Variants in BNC2 observed in about 807,000 individuals in gnomAD.
BNC2 encodes basonuclin zinc finger protein 2.
In BNC2, 20 loss-of-function variants were observed where a neutral mutation model predicts 76.3. That is an observed-to-expected ratio of 0.26 (90% CI 0.18 to 0.38). The LOEUF (loss-of-function observed/expected upper bound fraction) is 0.38. Ranked by LOEUF, BNC2 falls within the 10% of genes least tolerant of loss-of-function variation. The probability of loss-of-function intolerance (pLI) is 1.00; values close to 1 mark genes in which losing one functional copy is unlikely to be tolerated. For missense variants in BNC2, 1,382 were observed against 1,399.8 expected, an observed-to-expected ratio of 0.99 and a Z score of 0.20; for synonymous variants, 582 against 514.8, an observed-to-expected ratio of 1.13 and a Z score of -1.77.
chr9:16,466,082 TG>T (rs1181183371), intron 5 of BNC2, among the ~76,000 whole-genome samples: 3 of 85,788 alleles, frequency 3.5e-5, no homozygotes, highest in African/African-American at 4.8e-5. Flanking sequence ...CATTCACAAT[TG>T]CTTCAAAGAG....
At chr9:16,648,956 A>C (rs1208577252) in intron 3 of BNC2, among the ~76,000 whole-genome samples, 2 of 152,220 alleles carry the variant, frequency 1.3e-5, no homozygotes, top group African/African-American at 4.8e-5. Context: ...GTTAAAACCA[A>C]TGATATCTTT....
intron 3 of BNC2, among the ~76,000 whole-genome samples, chr9:16,583,308 T>G (rs972681096): frequency 6.6e-6 from 1 of 152,172 alleles, no homozygotes; most frequent in Non-Finnish European, 1.5e-5. Context: ...TCATTCACAG[T>G]AACCTTTAAA....
At chr9:16,779,263 T>C (rs1425948709) in intron 1 of BNC2, among the ~76,000 whole-genome samples, 1 of 146,118 alleles carries the variant, frequency 6.8e-6, no homozygotes, top group Non-Finnish European at 1.5e-5. Flanking sequence ...AGTATCACAC[T>C]ACTGCACTCC....
chr9:16,665,411 A>AG (rs1212363590), intron 3 of BNC2, among the ~76,000 whole-genome samples: 205 of 115,386 alleles, frequency 1.8e-3, no homozygotes, highest in African/African-American at 5.3e-3. Flanking sequence ...AGAAAGAGAG[A>AG]AAAGAAAGGA....
At chr9:16,506,250 T>C (rs1028789338) in intron 5 of BNC2, among the ~76,000 whole-genome samples, 5 of 152,194 alleles carry the variant, frequency 3.3e-5, no homozygotes, top group African/African-American at 7.2e-5. Context: ...AAAATACTTA[T>C]GTGAGAGTAG....
chr9:16,750,988 G>A (rs903307871), intron 1 of BNC2, among the ~76,000 whole-genome samples: 8 of 152,170 alleles, frequency 5.3e-5, no homozygotes, highest in African/African-American at 1.9e-4. Context: ...ACAGAGTTGT[G>A]TCTTTTTTCT....
intron 6 of BNC2, among the ~76,000 whole-genome samples, chr9:16,434,429 T>C (rs80325123): frequency 0.092 from 14,077 of 152,252 alleles, 688 homozygotes; most frequent in Middle Eastern, 0.15. Flanking sequence ...AATTTTAATG[T>C]GTTTCTTCCA....
intron 3 of BNC2, among the ~76,000 whole-genome samples, chr9:16,585,218 T>G (rs547536338): frequency 6.6e-6 from 1 of 152,308 alleles, no homozygotes; most frequent in East Asian, 1.9e-4. Context: ...TTTATTTTTA[T>G]GTGTATTTAT....
intron 4 of BNC2, among the ~76,000 whole-genome samples, chr9:16,572,301 G>A (rs1466957606): frequency 6.6e-6 from 1 of 152,084 alleles, no homozygotes; most frequent in African/African-American, 2.4e-5. Context: ...GAAGACAGAG[G>A]GAAACAGCAA....
intron 1 of BNC2, among the ~76,000 whole-genome samples, chr9:16,768,266 A>G (rs1378651131): frequency 6.6e-6 from 1 of 152,046 alleles, no homozygotes; most frequent in Non-Finnish European, 1.5e-5. Context: ...ATGACAGGCC[A>G]GTGTATGCAA....
At chr9:16,844,012 T>C (rs1022168325) in intron 1 of BNC2, among the ~76,000 whole-genome samples, 2 of 152,190 alleles carry the variant, frequency 1.3e-5, no homozygotes, top group Non-Finnish European at 2.9e-5. Context: ...CCAGACACGG[T>C]TGCTCACACC....
At chr9:16,750,075 G>A (rs1278434897) in intron 1 of BNC2, among the ~76,000 whole-genome samples, 1 of 152,144 alleles carries the variant, frequency 6.6e-6, no homozygotes, top group Non-Finnish European at 1.5e-5. Flanking sequence ...AGAGCATGAG[G>A]ACCTAAACTA....
At chr9:16,640,865 T>G (rs1328221089) in intron 3 of BNC2, among the ~76,000 whole-genome samples, 1 of 152,140 alleles carries the variant, frequency 6.6e-6, no homozygotes, top group Admixed American at 6.6e-5. Flanking sequence ...GGTTCTGGAT[T>G]TCAGTTCTTA....
chr9:16,689,470 C>A (rs942780867), intron 3 of BNC2, among the ~76,000 whole-genome samples: 9 of 152,196 alleles, frequency 5.9e-5, no homozygotes, highest in East Asian at 1.9e-4. Context: ...GCCTGATAGA[C>A]ACTATGAAAG....
intron 1 of BNC2, among the ~76,000 whole-genome samples, chr9:16,802,177 T>C (rs1435637385): frequency 2.0e-5 from 3 of 152,156 alleles, no homozygotes; most frequent in African/African-American, 4.8e-5. Context: ...AGAGTGCAAA[T>C]ATATTAGCTG....
At chr9:16,805,018 CG>C (rs1257013854) in intron 1 of BNC2, among the ~76,000 whole-genome samples, 3 of 151,936 alleles carry the variant, frequency 2.0e-5, no homozygotes, top group Non-Finnish European at 4.4e-5. Context: ...GCCGAGACCA[CG>C]CCATTGCACT....
At chr9:16,532,281 T>C (rs1818005495) in intron 5 of BNC2, among the ~76,000 whole-genome samples, 1 of 152,158 alleles carries the variant, frequency 6.6e-6, no homozygotes, top group Non-Finnish European at 1.5e-5. Flanking sequence ...ATCTTTGTAA[T>C]GAAAATATTT....
intron 1 of BNC2, among the ~76,000 whole-genome samples, chr9:16,763,153 C>T (rs1033050803): frequency 1.3e-5 from 2 of 152,064 alleles, no homozygotes; most frequent in Non-Finnish European, 2.9e-5. Flanking sequence ...GAAAAAAGAT[C>T]CATTTAAACC....
At chr9:16,690,027 AG>A (rs1823108308) in intron 3 of BNC2, among the ~76,000 whole-genome samples, 1 of 152,246 alleles carries the variant, frequency 6.6e-6, no homozygotes, top group Non-Finnish European at 1.5e-5. Context: ...CAGAGTATGC[AG>A]TTAAATTATA....
Sources: allele counts gnomAD v4.1 joint callset (sites outside exome capture counted in the v4.1 genomes callset), GRCh38; gene constraint gnomAD v4.1.1; transcripts MANE v1.5; gene names NCBI Gene and HGNC (gene_info 2026-07-23, HGNC 2026-07-21).